Variants in GIT2 observed in about 807,000 individuals in gnomAD.
GIT2 encodes ARF GTPase-activating protein GIT2.
Under a neutral mutation model 100.3 loss-of-function variants are expected in GIT2, and 32 were observed. That is an observed-to-expected ratio of 0.32 (90% confidence interval 0.24 to 0.43). GIT2 has a LOEUF of 0.43. Among genes scored for constraint, GIT2 ranks in the 20% least tolerant of loss-of-function variants. GIT2 has a pLI of 1.00. For synonymous variants in GIT2, 353 were observed against 364.1 expected, an observed-to-expected ratio of 0.97 and a Z score of 0.35; for missense variants, 737 against 975.1, an observed-to-expected ratio of 0.76 and a Z score of 3.25.
chr12:109,964,239 G>T (rs1223691404), intron 9 of GIT2, among the ~76,000 whole-genome samples: 1 of 151,912 alleles, frequency 6.6e-6, no homozygotes, highest in Admixed American at 6.6e-5. Flanking sequence ...ACTTCCTTAA[G>T]GCAATAAAAC....
intron 18 of GIT2, 132 bp downstream of exon 18, chr12:109,938,248 G>A (rs1873600495): frequency 3.2e-6 from 2 of 631,500 alleles, no homozygotes; most frequent in African/African-American, 1.8e-5. Context: ...TCTTAAGCCT[G>A]TTATGTAGAC....
chr12:109,936,951 C>G (rs1873203685), intron 18 of GIT2, among the ~76,000 whole-genome samples: 1 of 151,940 alleles, frequency 6.6e-6, no homozygotes, highest in African/African-American at 2.4e-5. Context: ...CACTCACTGC[C>G]AAGACTATGG....
Position 109,947,787 on chromosome 12 carries a change from T to C in GIT2, c.1393-283A>G. On this transcript the variant is annotated intron_variant, in intron 14 of 19. Transcript: ENST00000355312. The surrounding 1 kb of genome is among the most constrained non-coding windows in gnomAD (Gnocchi z 4.3). ...ACAAAATGTCTAACCACTTTAAAAT[T>C]TGTCATGGTGGGGCTGGGAAATGTT... is the stretch of plus-strand genomic sequence containing the variant. 2.7e-6 allele frequency: 1 copy of C among 365,890 alleles called. No homozygotes were observed. The highest frequency in any genetic ancestry group is 5.0e-6 in the Non-Finnish European group (1 of 198,434). 22.7% of individuals were successfully genotyped at this position (365,890 alleles called of 1,614,324 possible).
chr12:109,953,189 A>G lies in GIT2; in HGVS notation c.1145T>C (p.Val382Ala), dbSNP rs1565955305. ...GGGCTGATCGTTGTCTTGACTCTCA[A>G]CGCTGTGCTGGTTATTGATGGTTTT... ...ILKTINNQHS[V>A]ESQDNDQPDY... is the part of the protein sequence containing the mutation. Residue 382 changes from valine to alanine, a missense_variant, in exon 13 of 20, where the codon GTT (valine) becomes GCT (alanine). By Grantham distance (64) the Val-to-Ala change is moderately conservative (BLOSUM62 0). Transcript: ENST00000355312. 1.2e-6 allele frequency: 2 copies of G among 1,613,790 alleles called. No individual in the cohort carries two copies. Among genetic ancestry groups the G allele is most frequent in the Admixed American group, 1.7e-5 (1 of 60,002 alleles).
chr12:109,953,473 A>C (rs1878485698), intron 12 of GIT2: 1 of 416,652 alleles, frequency 2.4e-6, no homozygotes, highest in Non-Finnish European at 4.4e-6. Flanking sequence ...TTTAAAAATT[A>C]TCCAGGCCTG....
rs1453398835 is a variant in GIT2 at position 109,961,629 on chromosome 12, C to T, written c.873G>A (p.Arg291=). Residue 291 remains arginine, a synonymous_variant, in exon 10 of 20, where the codon AGG becomes AGA. Transcript: ENST00000355312. The stretch of plus-strand genomic sequence containing the variant: ...TCAAGTCACCTGCATCCGTCTCTCG[C>T]CTGTCAACTTCATCGTACACATCCA... The part of the protein sequence containing the change: ...LAMDVYDEVD[R]RETDAVWLAT... 1.2e-6 allele frequency: 2 copies of T among 1,604,844 alleles called. No individual in the cohort carries two copies. Among genetic ancestry groups the T allele is most frequent in the Admixed American group, 1.7e-5 (1 of 59,994 alleles).
intron 12 of GIT2, among the ~76,000 whole-genome samples, chr12:109,955,209 C>T (rs998168885): frequency 2.0e-5 from 3 of 151,802 alleles, no homozygotes; most frequent in Non-Finnish European, 4.4e-5. Flanking sequence ...CTGCAAACTC[C>T]GCCTCCCGGT....
chr12:109,992,884 C>T (rs565717269), intron 1 of GIT2, among the ~76,000 whole-genome samples: 1 of 151,206 alleles, frequency 6.6e-6, no homozygotes, highest in Non-Finnish European at 1.5e-5. Flanking sequence ...GTTGGCCAGA[C>T]TGGTCTCAAA....
At chr12:109,977,144 G>C (rs1009680261) in intron 7 of GIT2, among the ~76,000 whole-genome samples, 5 of 151,982 alleles carry the variant, frequency 3.3e-5, no homozygotes, top group African/African-American at 1.2e-4. Flanking sequence ...ATTTTCATTG[G>C]ATATAGAGTT....
intron 16 of GIT2, among the ~76,000 whole-genome samples, chr12:109,942,369 C>T: frequency 6.6e-6 from 1 of 151,960 alleles, no homozygotes; most frequent in East Asian, 1.9e-4. Context: ...GCTCTGTCGC[C>T]CAGGCTGGAG....
chr12:109,952,070 C>T lies in GIT2; in HGVS notation c.1243-754G>A, dbSNP rs1302462831. Among the ~76,000 whole-genome samples the T allele has an allele frequency of 3.3e-5, 5 of 152,154 alleles. No homozygotes were observed. In the East Asian group the frequency reaches 5.8e-4, roughly 18 times the overall value. On this transcript the variant is annotated intron_variant, in intron 13 of 19. Coordinates refer to ENST00000355312, the MANE Select transcript of GIT2 (RefSeq NM_057169.5). ...CTCACTGAGTGAACCAGGTGGCTTC[C>T]GGGAAGTCTGCGCAGGGGTGTCCCC...
upstream of GIT2, chr12:109,998,577 A>G (rs1442721926): frequency 6.6e-6 from 1 of 152,250 alleles, no homozygotes; most frequent in Non-Finnish European, 1.5e-5. Context: ...AACTCAAAGA[A>G]TAAACTTCAT....
At chr12:109,936,785 G>A (rs1037347237) in intron 18 of GIT2, among the ~76,000 whole-genome samples, 11 of 151,792 alleles carry the variant, frequency 7.2e-5, no homozygotes, top group Non-Finnish European at 1.2e-4. Context: ...CAGGAGGATC[G>A]CTTGAGCCAA....
intron 4 of GIT2, among the ~76,000 whole-genome samples, chr12:109,986,198 CCAA>C (rs1260773261): frequency 1.3e-5 from 2 of 152,082 alleles, no homozygotes; most frequent in Non-Finnish European, 2.9e-5. Flanking sequence ...TTCTGTGAAG[CCAA>C]CATCAGCCTG....
chr12:109,935,739 G>C (rs543076423), intron 18 of GIT2, among the ~76,000 whole-genome samples: 2 of 152,264 alleles, frequency 1.3e-5, no homozygotes, highest in African/African-American at 4.8e-5. Context: ...TCATTTTTGA[G>C]AAATACGATT....
chr12:109,971,345 G>C (rs957265400), intron 7 of GIT2, among the ~76,000 whole-genome samples: 6 of 151,278 alleles, frequency 4.0e-5, no homozygotes, highest in African/African-American at 1.5e-4. Flanking sequence ...ATTTTTTTGA[G>C]ACAGAGTCCC....
rs1871986068 is a variant in GIT2 at position 109,933,220 on chromosome 12, G to C, written c.2068-30C>G. The C allele has an allele frequency of 2.4e-6, 3 of 1,253,566 alleles. No individual in the cohort carries two copies. Among genetic ancestry groups the C allele is most frequent in the Middle Eastern group, 1.8e-4 (1 of 5,416 alleles). 77.7% of individuals were successfully genotyped at this position (1,253,566 alleles called of 1,614,324 possible). ...AAGGAAAAAGACAGCCGTTTACCCT[G>C]AACTGCAGGGCAGACATCCAAAAGC... is the stretch of plus-strand genomic sequence containing the variant. On this transcript the variant is annotated intron_variant, in intron 19 of 19. Transcript: ENST00000355312. The surrounding 1 kb of genome is among the most constrained non-coding windows in gnomAD (Gnocchi z 4.5).
At chr12:109,963,612 T>G (rs889839986) in intron 9 of GIT2, among the ~76,000 whole-genome samples, 4 of 152,144 alleles carry the variant, frequency 2.6e-5, no homozygotes, top group African/African-American at 9.7e-5. Context: ...ATGCTAACAT[T>G]TACTCATTCA....
Position 109,939,266 on chromosome 12 carries a change from ACC to A in GIT2, c.1732-21_1732-20del. ...TGGATGCCTACAAGAAAGAAGAGGG[ACC>A]CTCATGAGTTTGTAACATGAGACTC... On this transcript the variant is annotated intron_variant, in intron 16 of 19. Coordinates refer to ENST00000355312, the MANE Select transcript of GIT2 (RefSeq NM_057169.5). The A allele has an allele frequency of 1.4e-6, 2 of 1,442,644 alleles. No individual in the cohort carries two copies. The highest frequency in any genetic ancestry group is 1.1e-5 in the South Asian group (1 of 87,604). The allele number at this position is 1,442,644 out of a possible 1,614,324, so 89.4% of individuals were successfully genotyped here.
Sources: allele counts gnomAD v4.1 joint callset (sites outside exome capture counted in the v4.1 genomes callset), GRCh38; gene constraint gnomAD v4.1.1; non-coding constraint Gnocchi (gnomAD v3.1); transcripts MANE v1.5; gene names NCBI Gene and HGNC (gene_info 2026-07-23, HGNC 2026-07-21).